The following FRMD4B variants were observed in gnomAD, a reference collection of about 807,000 sequenced individuals.
The protein encoded by FRMD4B is FERM domain-containing protein 4B.
FRMD4B carries 74 observed loss-of-function variants against 141.5 expected under a neutral mutation model. The ratio of observed to expected loss-of-function variants is 0.52; its 90% CI spans 0.43 to 0.63. The LOEUF (loss-of-function observed/expected upper bound fraction) is 0.63. Ranked by LOEUF, FRMD4B falls within the 30% of genes least tolerant of loss-of-function variation. The probability of loss-of-function intolerance (pLI) is 0.00; values close to 1 mark genes in which losing one functional copy is unlikely to be tolerated. For synonymous variants in FRMD4B, 506 were observed against 467.9 expected (o/e 1.08, Z -1.05); for missense variants, 1,366 against 1,253.4 (o/e 1.09, Z -1.36).
chr3:69,266,535 A>G (rs904504475), intron 5 of FRMD4B, among the ~76,000 whole-genome samples: 2 of 152,158 alleles, frequency 1.3e-5, no homozygotes, highest in African/African-American at 4.8e-5. Context: ...CACTTTGGCC[A>G]GGCTGGTCTC....
chr3:69,479,604 G>T (rs1706077954), intron 1 of FRMD4B, among the ~76,000 whole-genome samples: 1 of 152,120 alleles, frequency 6.6e-6, no homozygotes, highest in Non-Finnish European at 1.5e-5. Flanking sequence ...TTCCCTTTGT[G>T]GGTAACCCAA....
chr3:69,194,694 A>C (rs1466070923), intron 16 of FRMD4B, among the ~76,000 whole-genome samples: 1 of 152,214 alleles, frequency 6.6e-6, no homozygotes, highest in East Asian at 1.9e-4. Context: ...GACTTTAGAG[A>C]GGCTAAACTA....
chr3:69,505,355 A>G (rs796234692), intron 1 of FRMD4B, among the ~76,000 whole-genome samples: 8 of 152,228 alleles, frequency 5.3e-5, no homozygotes, highest in African/African-American at 1.9e-4. Flanking sequence ...TCCAGTCTGG[A>G]TGACAGAGCA....
chr3:69,470,634 T>C (rs1176778284), intron 1 of FRMD4B, among the ~76,000 whole-genome samples: 2 of 152,124 alleles, frequency 1.3e-5, no homozygotes, highest in Non-Finnish European at 2.9e-5. Context: ...CATAGGTAAA[T>C]TAGTCCTAGA....
At chr3:69,365,021 T>C (rs1343565660) in intron 1 of FRMD4B, among the ~76,000 whole-genome samples, 1 of 152,182 alleles carries the variant, frequency 6.6e-6, no homozygotes, top group African/African-American at 2.4e-5. Flanking sequence ...GTATAGTGAT[T>C]ATAAAAAGCA....
rs1702508958 is a variant in FRMD4B, at chr3:69,335,372, A to ATC, written c.163-21856_163-21855insGA. The stretch of plus-strand genomic sequence containing the variant: ...CATAACTTTTTTTTTTCATTATTGC[A>ATC]TTTTTTTTTTTTTTTTCCGAGACAG... On this transcript the variant is annotated intron_variant, in intron 1 of 22. Coordinates refer to ENST00000398540, the MANE Select transcript of FRMD4B (RefSeq NM_015123.3). 4.5e-5 allele frequency among the ~76,000 whole-genome samples: 6 copies of ATC among 133,814 alleles called. No homozygotes were observed. The South Asian group carries it at 1.4e-3, about 31-fold the overall frequency. 87.8% of individuals were successfully genotyped at this position (133,814 alleles called of 152,430 possible).
chr3:69,523,123 A>T (rs1180969000), intron 1 of FRMD4B, among the ~76,000 whole-genome samples: 1 of 151,432 alleles, frequency 6.6e-6, no homozygotes, highest in Non-Finnish European at 1.5e-5. Flanking sequence ...AACAAGTGAA[A>T]AAAAAAAAAA....
In FRMD4B at chr3:69,385,799, G is replaced by A. The variant is rs1328886230; in HGVS notation, c.162+29C>T. 8 of 1,510,698 alleles carry A rather than the reference G, an allele frequency of 5.3e-6. No homozygotes were observed. The South Asian group carries it at 9.1e-5, about 17-fold the overall frequency. The allele number at this position is 1,510,698 out of a possible 1,614,324, so 93.6% of individuals were successfully genotyped here. On this transcript the variant is annotated intron_variant, in intron 1 of 22. Coordinates refer to ENST00000398540, the MANE Select transcript of FRMD4B (RefSeq NM_015123.3). ...CACGAGTGCCCGGCATCCTGCTGGG[G>A]CCCTCGGGTGCCGCGCGCTCCAGCT...
chr3:69,324,396 A>G (rs1702112454), intron 1 of FRMD4B, among the ~76,000 whole-genome samples: 1 of 152,246 alleles, frequency 6.6e-6, no homozygotes, highest in East Asian at 1.9e-4. Context: ...TCTTGGCACT[A>G]TTATATACCA....
chr3:69,212,381 G>GAAAAAAAAAAAAAAAAAAAAAAAAAAAAA (rs61444871), intron 11 of FRMD4B, among the ~76,000 whole-genome samples: 1 of 95,598 alleles, frequency 1.0e-5, no homozygotes, highest in Admixed American at 1.5e-4. Flanking sequence ...AAAAAAAAAA[G>GAAAAAAAAAAAAAAAAAAAAAAAAAAAAA]AAAAAAAAAA....
chr3:69,294,331 A>G (rs1018858766), intron 4 of FRMD4B, among the ~76,000 whole-genome samples: 1 of 152,200 alleles, frequency 6.6e-6, no homozygotes, highest in African/African-American at 2.4e-5. Context: ...CCTGCAAGGT[A>G]GTCATATCTC....
chr3:69,205,059 C>CAAAAAAAAAAAAAAAAAAAAAA (rs33955997), intron 11 of FRMD4B, among the ~76,000 whole-genome samples: 14 of 124,394 alleles, frequency 1.1e-4, no homozygotes, highest in African/African-American at 3.5e-4. Context: ...ATGTTTTTAA[C>CAAAAAAAAAAAAAAAAAAAAAA]AAAAAAAAAA....
At chr3:69,460,869 G>T (rs1287938834) in intron 1 of FRMD4B, among the ~76,000 whole-genome samples, 1 of 152,198 alleles carries the variant, frequency 6.6e-6, no homozygotes, top group Non-Finnish European at 1.5e-5. Flanking sequence ...TGAACTACCA[G>T]ATTACGTGAT....
intron 10 of FRMD4B, among the ~76,000 whole-genome samples, chr3:69,216,879 T>C (rs949530666): frequency 2.1e-4 from 32 of 151,820 alleles, no homozygotes; most frequent in African/African-American, 7.7e-4. Flanking sequence ...GTTAATACCA[T>C]CAAAAAGAGT....
At chr3:69,395,764 G>A (rs1704464410) in intron 2 of FRMD4B, among the ~76,000 whole-genome samples, 3 of 152,124 alleles carry the variant, frequency 2.0e-5, no homozygotes, top group African/African-American at 7.2e-5. Context: ...CATGCTACAA[G>A]CCTTGAAACC....
At chr3:69,347,036 CA>C (rs1324733559) in intron 1 of FRMD4B, among the ~76,000 whole-genome samples, 1 of 152,182 alleles carries the variant, frequency 6.6e-6, no homozygotes, top group Non-Finnish European at 1.5e-5. Flanking sequence ...TGTAGACTGG[CA>C]AATTGGATAA....
intron 4 of FRMD4B, among the ~76,000 whole-genome samples, chr3:69,296,607 G>T (rs570205713): frequency 6.6e-6 from 1 of 152,102 alleles, no homozygotes; most frequent in African/African-American, 2.4e-5. Context: ...AAAGACCTCT[G>T]GCTAACTTGC....
chr3:69,346,876 C>G (rs999273064), intron 1 of FRMD4B, among the ~76,000 whole-genome samples: 5 of 152,176 alleles, frequency 3.3e-5, no homozygotes, highest in African/African-American at 1.2e-4. Flanking sequence ...ACTGCAAAAT[C>G]AAGCCAAATT....
intron 1 of FRMD4B, among the ~76,000 whole-genome samples, chr3:69,316,973 A>T (rs1021553236): frequency 6.6e-6 from 1 of 152,152 alleles, no homozygotes; most frequent in Non-Finnish European, 1.5e-5. Context: ...AGTACAAAAA[A>T]TTAGCCAGGC....
Sources: gnomAD v4.1 joint callset for allele counts (sites outside exome capture counted in the v4.1 genomes callset) on GRCh38, gnomAD v4.1.1 for gene constraint, MANE v1.5 for transcripts, NCBI Gene and HGNC (gene_info 2026-07-23, HGNC 2026-07-21) for gene names.